Variants in SPATA6L observed in about 807,000 individuals in gnomAD.
The protein encoded by SPATA6L is spermatogenesis associated 6 like, also known as spermatogenesis associated 6-like protein.
Under a neutral mutation model 49.2 loss-of-function variants are expected in SPATA6L, and 68 were observed. The ratio of observed to expected loss-of-function variants is 1.38; its 90% CI spans 1.14 to 1.69. The LOEUF (loss-of-function observed/expected upper bound fraction) is 1.69, where lower values mean the gene tolerates loss of function less well. Among genes scored for constraint, SPATA6L ranks in the 40% most tolerant of loss-of-function variants. The probability of loss-of-function intolerance (pLI) is 0.00; values close to 1 mark genes in which losing one functional copy is unlikely to be tolerated. For missense variants in SPATA6L, 668 were observed against 464.3 expected (o/e 1.44, Z -4.03); for synonymous variants, 198 against 165.7 (o/e 1.19, Z -1.50).
intron 2 of SPATA6L, among the ~76,000 whole-genome samples, chr9:4,658,129 C>G (rs1838732388): frequency 6.6e-6 from 1 of 152,172 alleles, no homozygotes; most frequent in Admixed American, 6.5e-5. Flanking sequence ...AGAATTGTAG[C>G]CTCCAGAACA....
chr9:4,618,959 C>T, intron 7 of SPATA6L, 61 bp from the exon 8 acceptor site: 2 of 1,484,558 alleles, frequency 1.3e-6, no homozygotes, highest in East Asian at 2.3e-5. Flanking sequence ...CTTAAAACTG[C>T]CATTATATTT....
At chr9:4,601,440 G>T (rs957358543) in intron 11 of SPATA6L, among the ~76,000 whole-genome samples, 2 of 151,392 alleles carry the variant, frequency 1.3e-5, no homozygotes, top group Admixed American at 1.3e-4. Context: ...AAATATACAA[G>T]GGATACTCTG....
At chr9:4,656,452 G>C (rs1190999246) in intron 2 of SPATA6L, among the ~76,000 whole-genome samples, 2 of 120,454 alleles carry the variant, frequency 1.7e-5, no homozygotes, top group African/African-American at 7.6e-5. Context: ...AAGGAAGGAA[G>C]GAAGGAAGGA....
intron 10 of SPATA6L, 65 bp downstream of exon 10, chr9:4,605,282 G>T: frequency 8.0e-7 from 1 of 1,250,718 alleles, no homozygotes; most frequent in Non-Finnish European, 1.2e-6. Context: ...TCCCCGACTA[G>T]ACTGTAGGTC....
intron 9 of SPATA6L, among the ~76,000 whole-genome samples, chr9:4,612,495 T>A (rs1313174426): frequency 1.3e-5 from 2 of 152,094 alleles, no homozygotes; most frequent in Non-Finnish European, 2.9e-5. Flanking sequence ...CCCTTCAGAG[T>A]TCAGTTCAAT....
chr9:4,641,183 C>T (rs1302005957), intron 3 of SPATA6L, among the ~76,000 whole-genome samples: 1 of 149,248 alleles, frequency 6.7e-6, no homozygotes, highest in Non-Finnish European at 1.5e-5. Flanking sequence ...TATTCAACAA[C>T]CATAAAATAT....
intron 3 of SPATA6L, among the ~76,000 whole-genome samples, chr9:4,652,793 A>G (rs1837220101): frequency 6.6e-6 from 1 of 150,600 alleles, no homozygotes; most frequent in African/African-American, 2.5e-5. Context: ...GTGAGCAGAG[A>G]TCGCACGATT....
chr9:4,663,404 T>C, intron 1 of SPATA6L: 1 of 909,652 alleles, frequency 1.1e-6, no homozygotes, highest in Non-Finnish European at 1.7e-6. Flanking sequence ...ATGATCTTGA[T>C]GTGCTGCTAG....
downstream of SPATA6L, among the ~76,000 whole-genome samples, chr9:4,594,310 T>C (rs923305333): frequency 3.9e-5 from 6 of 152,220 alleles, no homozygotes; most frequent in East Asian, 7.7e-4. Flanking sequence ...CCCGGGTTCA[T>C]GCCATTCTCC....
intron 4 of SPATA6L, among the ~76,000 whole-genome samples, chr9:4,630,444 C>T (rs1344549656): frequency 2.6e-5 from 4 of 152,302 alleles, no homozygotes; most frequent in South Asian, 4.1e-4. Flanking sequence ...CTGACCCCAT[C>T]GACTCACCAG....
chr9:4,663,336 G>A, intron 1 of SPATA6L: 3 of 1,483,294 alleles, frequency 2.0e-6, no homozygotes, highest in Middle Eastern at 1.8e-4. Context: ...TAAACCAGCA[G>A]CCATCCCGCT....
At chr9:4,656,585 G>A (rs1838280872) in intron 2 of SPATA6L, among the ~76,000 whole-genome samples, 1 of 152,174 alleles carries the variant, frequency 6.6e-6, no homozygotes, top group Non-Finnish European at 1.5e-5. Context: ...TTCAGCAGAT[G>A]CACCTTTAAT....
At chr9:4,646,315 C>T in intron 3 of SPATA6L, 1 of 406,424 alleles carries the variant, frequency 2.5e-6, no homozygotes, top group East Asian at 3.7e-5. Context: ...TGAAAATAGA[C>T]AAAATTTAAT....
intron 4 of SPATA6L, among the ~76,000 whole-genome samples, chr9:4,634,357 T>C (rs1200895845): frequency 6.6e-6 from 1 of 152,234 alleles, no homozygotes; most frequent in Admixed American, 6.5e-5. Flanking sequence ...ATAGTTTCAG[T>C]GAAATTCATC....
chr9:4,656,749 GC>G (rs1482373374), intron 2 of SPATA6L, among the ~76,000 whole-genome samples: 1 of 152,102 alleles, frequency 6.6e-6, no homozygotes, highest in Non-Finnish European at 1.5e-5. Flanking sequence ...GTTGCTAAAA[GC>G]CCATCTTAAA....
At chr9:4,655,873 G>C (rs980090147) in intron 3 of SPATA6L, among the ~76,000 whole-genome samples, 168 bp downstream of exon 3, 2 of 152,078 alleles carry the variant, frequency 1.3e-5, no homozygotes, top group Admixed American at 6.6e-5. Context: ...ATATAGAAAA[G>C]GGTATGTAAC....
At position 4,622,049 on chromosome 9, in the gene SPATA6L, T is replaced by C. The variant is rs181537783; in HGVS notation, c.772+359A>G. Among the ~76,000 whole-genome samples, 277 of 152,286 alleles carry C rather than the reference T, an allele frequency of 1.8e-3. 2 individuals carry two copies. The highest frequency in any genetic ancestry group is 6.4e-3 in the African/African-American group (266 of 41,564). ...ACCATCAATCTCCTGTTTTTTGCCA[T>C]CCAGAAAAACGGAAAGCCTTATTTG... On this transcript the variant is annotated intron_variant, in intron 7 of 11. Coordinates refer to ENST00000682582, the MANE Select transcript of SPATA6L (RefSeq NM_001353486.2).
intron 7 of SPATA6L, among the ~76,000 whole-genome samples, chr9:4,619,134 A>T (rs1828684184): frequency 6.9e-6 from 1 of 144,868 alleles, no homozygotes; most frequent in Admixed American, 6.9e-5. Context: ...TGTCTTTTTG[A>T]GGTCAACAGT....
At chr9:4,663,508 G>T in intron 1 of SPATA6L, 1 of 458,728 alleles carries the variant, frequency 2.2e-6, no homozygotes. Context: ...TTCAACAACT[G>T]TTTATGTTTC....
Sources: gnomAD v4.1 joint callset for allele counts (sites outside exome capture counted in the v4.1 genomes callset) on GRCh38, gnomAD v4.1.1 for gene constraint, MANE v1.5 for transcripts, NCBI Gene and HGNC (gene_info 2026-07-23, HGNC 2026-07-21) for gene names.